CEP85L: variants seen among roughly 807,000 people sequenced by gnomAD.
The protein encoded by CEP85L is centrosomal protein 85L.
In CEP85L, 60 loss-of-function variants were observed where a neutral mutation model predicts 100.3. The observed-to-expected ratio is 0.60, with a 90% confidence interval of 0.49 to 0.74. The LOEUF (loss-of-function observed/expected upper bound fraction) is 0.74, where lower values mean the gene tolerates loss of function less well. Among genes scored for constraint, CEP85L ranks in the 30% least tolerant of loss-of-function variants. The probability of loss-of-function intolerance (pLI) is 0.00; values close to 1 mark genes in which losing one functional copy is unlikely to be tolerated. For synonymous variants in CEP85L, 319 were observed against 322.7 expected (o/e 0.99, Z 0.12); for missense variants, 973 against 936.2 (o/e 1.04, Z -0.51).
At chr6:118,645,283 T>A (rs116144512) in intron 1 of CEP85L, among the ~76,000 whole-genome samples, 1 of 152,178 alleles carries the variant, frequency 6.6e-6, no homozygotes, top group Non-Finnish European at 1.5e-5. Context: ...GCTCTGCCCA[T>A]CCTCTGCCAC....
chr6:118,628,545 A>T (rs72956993), intron 2 of CEP85L, among the ~76,000 whole-genome samples: 24,714 of 149,056 alleles, frequency 0.17, 2,157 homozygotes, highest in Non-Finnish European at 0.19. Flanking sequence ...TTATTTAATT[A>T]AAAAAAAAAG....
At chr6:118,532,580 A>T (rs2114834367) in intron 3 of CEP85L, among the ~76,000 whole-genome samples, 1 of 152,308 alleles carries the variant, frequency 6.6e-6, no homozygotes, top group Non-Finnish European at 1.5e-5. Flanking sequence ...ATACCATAAC[A>T]ATAAATCTAA....
chr6:118,521,292 C>A (rs1353553863), intron 4 of CEP85L, among the ~76,000 whole-genome samples: 1 of 152,082 alleles, frequency 6.6e-6, no homozygotes, highest in East Asian at 1.9e-4. Context: ...ATATTTGATT[C>A]CAATTTAAGT....
intron 1 of CEP85L, among the ~76,000 whole-genome samples, chr6:118,633,294 T>C (rs1774290295): frequency 1.3e-5 from 2 of 151,556 alleles, no homozygotes; most frequent in South Asian, 4.2e-4. Flanking sequence ...AAGCGCTGCC[T>C]CCCGGGTTCA....
chr6:118,472,950 C>A (rs1336591022), intron 10 of CEP85L, among the ~76,000 whole-genome samples: 1 of 152,138 alleles, frequency 6.6e-6, no homozygotes, highest in African/African-American at 2.4e-5. Context: ...AGAAATGCCC[C>A]ATTTACAAAT....
At chr6:118,670,109 C>T (rs1427447967) in intron 1 of CEP85L, among the ~76,000 whole-genome samples, 2 of 151,898 alleles carry the variant, frequency 1.3e-5, no homozygotes, top group African/African-American at 4.8e-5. Flanking sequence ...TTGGCAGTAC[C>T]TTCTATCAGA....
chr6:118,698,012 C>T (rs1370809595), intron 1 of CEP85L, among the ~76,000 whole-genome samples: 7 of 152,196 alleles, frequency 4.6e-5, no homozygotes, highest in Non-Finnish European at 8.8e-5. Flanking sequence ...TTGAGTACCA[C>T]TGGTCCCACT....
chr6:118,479,731 A>T, intron 10 of CEP85L, 140 bp downstream of exon 10: 1 of 440,236 alleles, frequency 2.3e-6, no homozygotes, highest in East Asian at 3.7e-5. Flanking sequence ...TTAATATTAA[A>T]GAATTTGCAA....
intron 5 of CEP85L, among the ~76,000 whole-genome samples, chr6:118,508,129 A>G (rs1285495386): frequency 2.0e-5 from 3 of 152,216 alleles, no homozygotes; most frequent in Non-Finnish European, 4.4e-5. Flanking sequence ...AGAATTTAAC[A>G]CATTAGATGT....
In CEP85L at chr6:118,467,500, A is replaced by C. The variant is rs117808897; in HGVS notation, c.2254+1572T>G. Among the ~76,000 whole-genome samples the C allele has an allele frequency of 1.2e-3, 180 of 152,214 alleles. 6 individuals carry two copies. The East Asian group carries it at 0.03, about 26-fold the overall frequency. On this transcript the variant is annotated intron_variant, in intron 12 of 12. Coordinates refer to ENST00000368491, the MANE Select transcript of CEP85L (RefSeq NM_001042475.3). Reference sequence around the variant, plus strand: ...GCCATGAAGTGACTGGTTTTTCACAAATCAACTGGCTGGTAAAACTTTCAC... The same window carrying C: ...GCCATGAAGTGACTGGTTTTTCACACATCAACTGGCTGGTAAAACTTTCAC...
intron 2 of CEP85L, among the ~76,000 whole-genome samples, chr6:118,594,432 GTTAA>G (rs1336970787): frequency 6.6e-6 from 1 of 152,022 alleles, no homozygotes; most frequent in African/African-American, 2.4e-5. Context: ...AATAAAATAG[GTTAA>G]TTAGATAAGA....
At chr6:118,508,233 G>A (rs1203334564) in intron 5 of CEP85L, among the ~76,000 whole-genome samples, 1 of 150,410 alleles carries the variant, frequency 6.6e-6, no homozygotes, top group Non-Finnish European at 1.5e-5. Flanking sequence ...CAAACCAATT[G>A]AAGAAAAAAT....
intron 3 of CEP85L, chr6:118,559,553 A>T (rs941339190): frequency 5.3e-6 from 1 of 189,892 alleles, no homozygotes; most frequent in African/African-American, 2.4e-5. Context: ...AAGTGTCATT[A>T]TTCAAAATAG....
intron 2 of CEP85L, among the ~76,000 whole-genome samples, chr6:118,571,392 A>G (rs1779879499): frequency 6.6e-6 from 1 of 152,248 alleles, no homozygotes; most frequent in Non-Finnish European, 1.5e-5. Context: ...ATGGTTTCAG[A>G]CAGATTTAAG....
At chr6:118,475,789 C>CT (rs1391152933) in intron 10 of CEP85L, among the ~76,000 whole-genome samples, 2 of 152,122 alleles carry the variant, frequency 1.3e-5, no homozygotes, top group Non-Finnish European at 2.9e-5. Flanking sequence ...ATCTCAGAAA[C>CT]TAAACTTGTT....
chr6:118,500,172 T>A (rs113277819), intron 5 of CEP85L, among the ~76,000 whole-genome samples: 22,337 of 151,272 alleles, frequency 0.15, 2,182 homozygotes, highest in Non-Finnish European at 0.22. Flanking sequence ...CCAGGCATGG[T>A]GACACACACC....
chr6:118,539,176 A>G (rs925216275), intron 3 of CEP85L, among the ~76,000 whole-genome samples: 1 of 152,228 alleles, frequency 6.6e-6, no homozygotes, highest in Non-Finnish European at 1.5e-5. Context: ...TTTACTCTCA[A>G]GGGATAAAAA....
intron 2 of CEP85L, among the ~76,000 whole-genome samples, chr6:118,571,809 T>A (rs1779904311): frequency 6.6e-6 from 1 of 152,216 alleles, no homozygotes. Flanking sequence ...ACAAATATTT[T>A]ATTTTTTAAA....
Position 118,688,753 on chromosome 6 carries a change from T to TCAGCTG in CEP85L, c.-28+21277_-28+21282dup, listed in dbSNP as rs1216136680. 2.3e-4 allele frequency among the ~76,000 whole-genome samples: 35 copies of TCAGCTG among 152,274 alleles called. 1 individual carries two copies. Among genetic ancestry groups the TCAGCTG allele is most frequent in the African/African-American group, 7.9e-4 (33 of 41,558 alleles). On this transcript the variant is annotated intron_variant, in intron 1 of 13. Coordinates refer to the CEP85L transcript ENST00000368488. The stretch of plus-strand genomic sequence containing the variant: ...TCCATTTCTTTGGCCCACTCCTATT[T>TCAGCTG]CAGCTGCAGCTGCAGTGAGAGTTCC...
Sources: allele counts gnomAD v4.1 joint callset (sites outside exome capture counted in the v4.1 genomes callset), GRCh38; gene constraint gnomAD v4.1.1; transcripts MANE v1.5; gene names NCBI Gene and HGNC (gene_info 2026-07-23, HGNC 2026-07-21).